The following KIAA1217 variants were observed in gnomAD, a reference collection of about 807,000 sequenced individuals.
The protein encoded by KIAA1217 is sickle tail protein homolog.
KIAA1217 carries 88 observed loss-of-function variants against 163.9 expected under a neutral mutation model. The observed-to-expected ratio is 0.54, with a 90% confidence interval of 0.45 to 0.64. The LOEUF (loss-of-function observed/expected upper bound fraction) is 0.64. Ranked by LOEUF, KIAA1217 falls within the 30% of genes least tolerant of loss-of-function variation. The pLI, the probability that KIAA1217 is intolerant of heterozygous loss-of-function variation, is 0.00. For missense variants in KIAA1217, 2,372 were observed against 2,475.0 expected (o/e 0.96, Z 0.88); for synonymous variants, 903 against 923.1 (o/e 0.98, Z 0.39).
intron 19 of KIAA1217, 120 bp downstream of exon 19, chr10:24,544,601 T>C: frequency 8.6e-7 from 1 of 1,158,364 alleles, no homozygotes; most frequent in Non-Finnish European, 1.2e-6. Flanking sequence ...TTTTTTTTTT[T>C]GTCTGTTCGC....
intron 1 of KIAA1217, among the ~76,000 whole-genome samples, chr10:23,724,295 A>T (rs1838019597): frequency 6.6e-6 from 1 of 152,142 alleles, no homozygotes; most frequent in Non-Finnish European, 1.5e-5. Flanking sequence ...ACAAGATTTG[A>T]TAATTCCTAT....
chr10:23,957,326 T>G (rs748251873), intron 1 of KIAA1217, among the ~76,000 whole-genome samples: 2 of 152,204 alleles, frequency 1.3e-5, no homozygotes, highest in African/African-American at 4.8e-5. Flanking sequence ...ATAGTCTTTA[T>G]GGATCTGTGA....
At chr10:24,347,692 T>C (rs10741052) in intron 2 of KIAA1217, among the ~76,000 whole-genome samples, 102,846 of 152,138 alleles carry the variant, frequency 0.68, 35,043 homozygotes, top group South Asian at 0.79. Flanking sequence ...TAATTAAAAC[T>C]ACAAAAGCAA....
intron 2 of KIAA1217, among the ~76,000 whole-genome samples, chr10:24,259,755 CACGGGGGA>C (rs1218362092): frequency 2.0e-5 from 3 of 152,206 alleles, no homozygotes; most frequent in African/African-American, 7.2e-5. Context: ...AGGTGACAGA[CACGGGGGA>C]ACCTGTGTCC....
intron 1 of KIAA1217, among the ~76,000 whole-genome samples, chr10:23,921,381 A>G (rs1842843045): frequency 6.6e-6 from 1 of 152,108 alleles, no homozygotes; most frequent in Non-Finnish European, 1.5e-5. Context: ...TCAGAGAGAG[A>G]ACTTGTGTTT....
intron 2 of KIAA1217, among the ~76,000 whole-genome samples, chr10:24,137,842 C>A (rs1315553656): frequency 6.6e-6 from 1 of 152,142 alleles, no homozygotes; most frequent in Non-Finnish European, 1.5e-5. Context: ...CTTTTCTATG[C>A]ATGCTCTTAA....
At chr10:24,501,645 T>C (rs2067601620) in intron 9 of KIAA1217, 100 bp downstream of exon 9, 4 of 1,022,080 alleles carry the variant, frequency 3.9e-6, no homozygotes, top group Non-Finnish European at 4.2e-6. Context: ...TGTAGAACCA[T>C]AGAAACAGCA....
chr10:24,349,159 A>G (rs977150099), intron 2 of KIAA1217, among the ~76,000 whole-genome samples: 2 of 149,178 alleles, frequency 1.3e-5, no homozygotes, highest in African/African-American at 2.5e-5. Flanking sequence ...AAAAAGAGAG[A>G]TTGAGATCTG....
chr10:24,225,679 T>C (rs2070423258), intron 2 of KIAA1217, among the ~76,000 whole-genome samples: 1 of 152,238 alleles, frequency 6.6e-6, no homozygotes, highest in Non-Finnish European at 1.5e-5. Flanking sequence ...ATATAAAGAA[T>C]AGTCTTTCCA....
intron 14 of KIAA1217, 152 bp from the exon 15 acceptor site, chr10:24,531,678 T>A: frequency 1.7e-6 from 1 of 605,290 alleles, no homozygotes; most frequent in Non-Finnish European, 2.5e-6. Flanking sequence ...TTAAATCCAG[T>A]CACTCTTTAG....
chr10:24,243,704 C>T (rs562095004), intron 2 of KIAA1217, among the ~76,000 whole-genome samples: 23 of 149,932 alleles, frequency 1.5e-4, no homozygotes, highest in African/African-American at 4.7e-4. Context: ...TGAATACATA[C>T]GAATGAATAT....
intron 1 of KIAA1217, among the ~76,000 whole-genome samples, chr10:23,903,996 T>C (rs1842052538): frequency 6.6e-6 from 1 of 152,174 alleles, no homozygotes; most frequent in Admixed American, 6.5e-5. Flanking sequence ...GCTCTTGAAG[T>C]AGAATGTTTC....
chr10:23,933,272 A>G (rs1204052215), intron 1 of KIAA1217, among the ~76,000 whole-genome samples: 1 of 152,146 alleles, frequency 6.6e-6, no homozygotes. Context: ...ATATTTTTTG[A>G]AAAACTTCAG....
intron 1 of KIAA1217, among the ~76,000 whole-genome samples, chr10:23,830,579 T>A (rs1408513109): frequency 6.6e-6 from 1 of 151,830 alleles, no homozygotes; most frequent in African/African-American, 2.4e-5. Context: ...CTTGCAGGTA[T>A]GTGTGGCATG....
intron 5 of KIAA1217, among the ~76,000 whole-genome samples, chr10:24,452,604 C>A (rs112408266): frequency 0.029 from 4,390 of 149,088 alleles, 230 homozygotes; most frequent in African/African-American, 0.1. Flanking sequence ...ATGGGGTGAA[C>A]CCGGGAGTTT....
At chr10:24,309,713 C>T (rs2042463065) in intron 2 of KIAA1217, among the ~76,000 whole-genome samples, 1 of 152,110 alleles carries the variant, frequency 6.6e-6, no homozygotes, top group Non-Finnish European at 1.5e-5. Context: ...CCTCCTTCCT[C>T]ATCTATATGA....
intron 1 of KIAA1217, among the ~76,000 whole-genome samples, chr10:23,760,232 GGGCTCCCTTTCACACTA>G (rs143551843): frequency 0.036 from 5,474 of 152,254 alleles, 335 homozygotes; most frequent in African/African-American, 0.13. Context: ...CTCATGGATC[GGGCTCCCTTTCACACTA>G]GGCATATGAA....
intron 1 of KIAA1217, among the ~76,000 whole-genome samples, chr10:23,735,432 A>G (rs1460967489): frequency 7.2e-5 from 11 of 152,128 alleles, no homozygotes; most frequent in Admixed American, 7.2e-4. Context: ...TTGGATCTGC[A>G]TCCTTGCCTA....
At chr10:24,257,172 G>A (rs994786610) in intron 2 of KIAA1217, among the ~76,000 whole-genome samples, 5 of 152,142 alleles carry the variant, frequency 3.3e-5, no homozygotes, top group Admixed American at 6.5e-5. Flanking sequence ...TCTGCCCCTC[G>A]TACTGTTGAA....
Sources: allele counts gnomAD v4.1 joint callset (sites outside exome capture counted in the v4.1 genomes callset), GRCh38; gene constraint gnomAD v4.1.1; transcripts MANE v1.5; gene names NCBI Gene and HGNC (gene_info 2026-07-23, HGNC 2026-07-21).